The following CNTNAP1 variants were observed in gnomAD, a reference collection of about 807,000 sequenced individuals.
The protein encoded by CNTNAP1 is contactin associated protein 1, also known as contactin-associated protein 1.
A neutral mutation model predicts 161.5 loss-of-function variants in CNTNAP1; 80 were observed. That is an observed-to-expected ratio of 0.50 (90% CI 0.41 to 0.60). CNTNAP1 has a LOEUF of 0.60. Ranked by LOEUF, CNTNAP1 falls within the 20% of genes least tolerant of loss-of-function variation. CNTNAP1 has a pLI of 0.00. For synonymous variants in CNTNAP1, 695 were observed against 733.1 expected (o/e 0.95, Z 0.84); for missense variants, 1,464 against 1,854.8 (o/e 0.79, Z 3.87).
chr17:42,693,319 C>T lies in CNTNAP1; in HGVS notation c.2775C>T (p.Arg925=). Reference sequence around the variant, plus strand: ...CAGGATCTGCAGAGCTTAAGAGACGCCCCTTTGTGGGTTGCTTGAGGGCCA... The same window carrying T: ...CAGGATCTGCAGAGCTTAAGAGACGTCCCTTTGTGGGTTGCTTGAGGGCCA... ...LYVGSAELKR[R]PFVGCLRAMR... is the part of the protein sequence containing the mutation. Residue 925 remains arginine, a synonymous_variant, in exon 18 of 24, where the codon CGC becomes CGT. Coordinates refer to ENST00000264638, the MANE Select transcript of CNTNAP1 (RefSeq NM_003632.3). The T allele has an allele frequency of 1.2e-6, 2 of 1,614,204 alleles. No individual in the cohort carries two copies. The highest frequency in any genetic ancestry group is 2.2e-5 in the South Asian group (2 of 91,080).
chr17:42,694,489 G>C (rs1181590098), intron 18 of CNTNAP1, among the ~76,000 whole-genome samples: 1 of 152,076 alleles, frequency 6.6e-6, no homozygotes, highest in African/African-American at 2.4e-5. Context: ...TTAATTAGCT[G>C]GGCATGGTGG....
In CNTNAP1 at chr17:42,693,341, G is replaced by A. The variant is rs200666570; in HGVS notation, c.2797G>A (p.Ala933Thr). 1.2e-6 allele frequency: 2 copies of A among 1,614,186 alleles called. No individual in the cohort carries two copies. The highest frequency in any genetic ancestry group is 2.2e-5 in the East Asian group (1 of 44,882). Residue 933 changes from alanine (A) to threonine (T), a missense_variant, in exon 18 of 24, where the codon GCC (alanine) becomes ACC (threonine). Physicochemically the swap from Ala to Thr is moderately conservative, Grantham distance 58. Coordinates refer to ENST00000264638, the MANE Select transcript of CNTNAP1 (RefSeq NM_003632.3). ...ACGCCCCTTTGTGGGTTGCTTGAGG[G>A]CCATGCGTCTGAACGGAGTGACTCT... ...KRRPFVGCLR[A>T]MRLNGVTLNL...
chr17:42,697,165 C>A, intron 20 of CNTNAP1, 109 bp from the exon 21 acceptor site: 1 of 806,126 alleles, frequency 1.2e-6, no homozygotes, highest in Non-Finnish European at 2.1e-6. Flanking sequence ...TCTCCAGTAT[C>A]TGCCCCCAAG....
rs1388046863 is a variant in CNTNAP1, at chr17:42,684,936, TAAA to T, written c.364-49_364-47del. ...CGAGACTCTGTCTCAAAAAATAAAA[TAAA>T]AAAAAGAAGCAGAGGGCAGGACGTG... is the stretch of plus-strand genomic sequence containing the variant. On this transcript the variant is annotated intron_variant, in intron 3 of 23. Coordinates refer to ENST00000264638, the MANE Select transcript of CNTNAP1 (RefSeq NM_003632.3). 3 of 1,576,428 alleles carry T rather than the reference TAAA, an allele frequency of 1.9e-6. No homozygotes were observed. In the Admixed American group the frequency reaches 5.5e-5, roughly 29 times the overall value.
At chr17:42,693,082 G>A (rs955731461) in intron 17 of CNTNAP1, among the ~76,000 whole-genome samples, 9 of 151,512 alleles carry the variant, frequency 5.9e-5, no homozygotes, top group Admixed American at 4.6e-4. Context: ...TCAGCCTCCC[G>A]AGTAGCTGGG....
rs541650569 is a variant in CNTNAP1, at chr17:42,690,624, A to G, written c.1856-115A>G. The G allele has an allele frequency of 2.2e-5, 22 of 994,542 alleles. No homozygotes were observed. The African/African-American group carries it at 3.3e-4, about 15-fold the overall frequency. The allele number at this position is 994,542 out of a possible 1,614,324, so 61.6% of individuals were successfully genotyped here. On this transcript the variant is annotated intron_variant, in intron 12 of 23. Transcript: ENST00000264638. The stretch of plus-strand genomic sequence containing the variant: ...AGTGCCCAGGGCAGAGGTGGAATGG[A>G]GCTGCTGGCCACGTTCAGTGGCTCT...
rs1477323996 is a variant in CNTNAP1 at position 42,690,078 on chromosome 17, T to C, written c.1736-10T>C. 6.2e-7 allele frequency: 1 copy of C among 1,612,670 alleles called. No individual in the cohort carries two copies. Among genetic ancestry groups the C allele is most frequent in the Non-Finnish European group, 8.5e-7 (1 of 1,179,092 alleles). ...TCTAACTGCCTTTGTCTCAACCTAT[T>C]ATCTGCCAGCTTTGTATAAGGAATC... On this transcript the variant is annotated splice_polypyrimidine_tract_variant and intron_variant, in intron 11 of 23. Coordinates refer to ENST00000264638, the MANE Select transcript of CNTNAP1 (RefSeq NM_003632.3).
chr17:42,690,136 C>T lies in CNTNAP1; in HGVS notation c.1784C>T (p.Ser595Phe). The stretch of plus-strand genomic sequence containing the variant: ...GCTTATCGGCTCAGTGGGAAAACTT[C>T]TGGAAACTTCACCATTGATCCTGAT... ...CEAYRLSGKT[S>F]GNFTIDPDGS... Residue 595 changes from serine to phenylalanine, a missense_variant, in exon 12 of 24, where the codon TCT (serine) becomes TTT (phenylalanine). Physicochemically the swap from Ser to Phe is radical, Grantham distance 155. Transcript: ENST00000264638. The T allele has an allele frequency of 6.2e-7, 1 of 1,614,098 alleles. No homozygotes were observed.
In CNTNAP1 at chr17:42,688,454, T is replaced by C; in HGVS notation, c.1307-8T>C. On this transcript the variant is annotated splice_region_variant and splice_polypyrimidine_tract_variant and intron_variant, in intron 8 of 23. Coordinates refer to ENST00000264638, the MANE Select transcript of CNTNAP1 (RefSeq NM_003632.3). Reference sequence around the variant, plus strand: ...CCTCCACCCACACCATCATCCATTCTTGTCCAGGGTACCGACTGAATGACG... The same window carrying C: ...CCTCCACCCACACCATCATCCATTCCTGTCCAGGGTACCGACTGAATGACG... 3.7e-6 allele frequency: 6 copies of C among 1,614,236 alleles called. No homozygotes were observed. The highest frequency in any genetic ancestry group is 2.2e-5 in the East Asian group (1 of 44,884).
intron 10 of CNTNAP1, 129 bp downstream of exon 10, chr17:42,689,176 A>G: frequency 1.1e-6 from 1 of 926,678 alleles, no homozygotes; most frequent in South Asian, 1.8e-5. Context: ...CTTGGGGATG[A>G]TTCTTCTTTG....
In CNTNAP1 at chr17:42,688,545, GA is replaced by G. The variant is rs779222646; in HGVS notation, c.1392del (p.Ala466GlnfsTer10). Reference protein sequence around the residue: ...NHAVISIDDVEGAEVRVSYPL... With the variant: ...NHAVISIDDVXGAEVRVSYPL... ...TGCAGTTATCAGCATTGATGATGTG[GA>G]AGGGGCAGAGGTCAGGGTCTCATAC... On this transcript the variant is annotated frameshift_variant, in exon 9 of 24. Transcript: ENST00000264638. LOFTEE classifies it high-confidence loss of function. The G allele has an allele frequency of 1.2e-6, 2 of 1,614,224 alleles. No individual in the cohort carries two copies. The highest frequency in any genetic ancestry group is 2.7e-5 in the African/African-American group (2 of 75,066).
At position 42,682,873 on chromosome 17, in the gene CNTNAP1, C is replaced by A; in HGVS notation, c.44C>A (p.Ser15Ter). Reference sequence around the variant, plus strand: ...TTCTGCATCCTGCTCGCCGCGGTCTCAGGAGCCGAGGGCTGGGGCTACTGT... The same window carrying A: ...TTCTGCATCCTGCTCGCCGCGGTCTAAGGAGCCGAGGGCTGGGGCTACTGT... ...RLFCILLAAVSGAEGWGYYGC... is the reference protein window; with the variant it reads ...RLFCILLAAV The change falls in exon 1 of 24, where the codon TCA becomes TAA. Residue 15 changes from serine to a stop codon, truncating the protein, a stop_gained. Coordinates refer to ENST00000264638, the MANE Select transcript of CNTNAP1 (RefSeq NM_003632.3). LOFTEE classifies it high-confidence loss of function. 1.2e-6 allele frequency: 2 copies of A among 1,601,186 alleles called. No homozygotes were observed. Among genetic ancestry groups the A allele is most frequent in the Non-Finnish European group, 1.7e-6 (2 of 1,174,766 alleles).
At chr17:42,686,185 G>T (rs2053005019) in intron 6 of CNTNAP1, 44 bp downstream of exon 6, 4 of 1,587,024 alleles carry the variant, frequency 2.5e-6, no homozygotes, top group Non-Finnish European at 3.5e-6. Context: ...GGTAGATGCT[G>T]GATGAGTGAG....
chr17:42,686,481 T>TTTTTTTTG (rs2053015324), intron 6 of CNTNAP1, among the ~76,000 whole-genome samples: 1 of 93,924 alleles, frequency 1.1e-5, no homozygotes, highest in South Asian at 3.2e-4. Flanking sequence ...TTTTTTTTTT[T>TTTTTTTTG]TTTTTTTTTT....
chr17:42,685,016 C>T lies in CNTNAP1; in HGVS notation c.389C>T (p.Ser130Leu). The change falls in exon 4 of 24, where the codon TCG (serine) becomes TTG (leucine). Residue 130 changes from serine to leucine, a missense_variant. Physicochemically the swap from Ser to Leu is moderately radical, Grantham distance 145. Around this residue, in one of 3 missense-constraint regions of CNTNAP1, gnomAD observed 1,383 missense variants for 1,765.0 expected, o/e 0.78. Transcript: ENST00000264638. This position sits in a 1 kb window ranked among gnomAD's most constrained non-coding sequence, Gnocchi z 5.0. ...ACCTTCTTTGGTAACGTGAACGAGT[C>T]GGCGGTGGTGCGCCATGACCTGCAC... ...NSTFFGNVNE[S>L]AVVRHDLHFH... 1.2e-6 allele frequency: 2 copies of T among 1,604,908 alleles called. No individual in the cohort carries two copies. Among genetic ancestry groups the T allele is most frequent in the African/African-American group, 1.3e-5 (1 of 74,550 alleles).
rs1441382343 is a variant in CNTNAP1 at position 42,695,668 on chromosome 17, G to A, written c.3140G>A (p.Gly1047Asp). ...TACATCCCGGGCTATGATACTCCGG[G>A]CTATGTGCCTGGCTACCATGGCCCC... ...PGYIPGYDTP[G>D]YVPGYHGPGY... is the part of the protein sequence containing the mutation. Residue 1047 changes from glycine to aspartate, a missense_variant, in exon 19 of 24, where the codon GGC (glycine) becomes GAC (aspartate). Around this residue, in one of 3 missense-constraint regions of CNTNAP1, gnomAD observed 1,383 missense variants for 1,765.0 expected, o/e 0.78. Coordinates refer to ENST00000264638, the MANE Select transcript of CNTNAP1 (RefSeq NM_003632.3). 6.2e-7 allele frequency: 1 copy of A among 1,614,066 alleles called. No homozygotes were observed. The highest frequency in any genetic ancestry group is 1.3e-5 in the African/African-American group (1 of 74,914).
chr17:42,697,502 T>A (rs1297126237), intron 21 of CNTNAP1, 52 bp from the exon 22 acceptor site: 1 of 1,609,990 alleles, frequency 6.2e-7, no homozygotes, highest in Admixed American at 1.7e-5. Context: ...ACAGTGAGAG[T>A]GGCAGGGCCT....
In CNTNAP1 at chr17:42,686,482, T is replaced by TG. The variant is rs1567970554; in HGVS notation, c.900+341_900+342insG. On this transcript the variant is annotated intron_variant, in intron 6 of 23. Transcript: ENST00000264638. ...AGAAAAAGGCCTGTTTTTTTTTTTT[T>TG]TTTTTTTTTTTGTGGGTGTTGTTGC... 3.1e-3 allele frequency among the ~76,000 whole-genome samples: 426 copies of TG among 137,872 alleles called. 6 individuals are homozygous for TG. Among genetic ancestry groups the TG allele is most frequent in the African/African-American group, 0.013 (407 of 32,108 alleles). The allele number at this position is 137,872 out of a possible 152,430, so 90.4% of individuals were successfully genotyped here.
rs866919574 is a variant in CNTNAP1 at position 42,689,917 on chromosome 17, T to C, written c.1736-171T>C. The C allele has an allele frequency of 1.2e-5, 8 of 691,062 alleles. No individual in the cohort carries two copies. The African/African-American group carries it at 1.4e-4, about 13-fold the overall frequency. 42.8% of individuals were successfully genotyped at this position (691,062 alleles called of 1,614,324 possible). ...CACCACGCCTAGCTAATTTTTATAT[T>C]TTTATTAGAGATGGGGTTTCACCAT... On this transcript the variant is annotated intron_variant, in intron 11 of 23. Coordinates refer to ENST00000264638, the MANE Select transcript of CNTNAP1 (RefSeq NM_003632.3).
Sources: gnomAD v4.1 joint callset for allele counts (sites outside exome capture counted in the v4.1 genomes callset) on GRCh38, gnomAD v4.1.1 for gene constraint, gnomAD v4.1.1 regional missense constraint, Gnocchi (gnomAD v3.1) non-coding constraint, MANE v1.5 for transcripts, NCBI Gene and HGNC (gene_info 2026-07-23, HGNC 2026-07-21) for gene names.